DLGAP1: variants seen among roughly 807,000 people sequenced by gnomAD.
The protein encoded by DLGAP1 is disks large-associated protein 1.
Under a neutral mutation model 90.8 loss-of-function variants are expected in DLGAP1, and 11 were observed. The ratio of observed to expected loss-of-function variants is 0.12; its 90% CI spans 0.08 to 0.20. The LOEUF is 0.20. Among genes scored for constraint, DLGAP1 ranks in the 10% least tolerant of loss-of-function variants. The pLI is 1.00. For synonymous variants in DLGAP1, 558 were observed against 540.7 expected (o/e 1.03, Z -0.44); for missense variants, 1,050 against 1,333.8 (o/e 0.79, Z 3.31).
At chr18:3,703,833 G>C (rs1229407082) in intron 7 of DLGAP1, among the ~76,000 whole-genome samples, 2 of 152,120 alleles carry the variant, frequency 1.3e-5, no homozygotes, top group Non-Finnish European at 2.9e-5. Context: ...AGCCGCCAGA[G>C]GGAGACTTTC....
chr18:3,733,256 G>A (rs1316952126), intron 6 of DLGAP1, among the ~76,000 whole-genome samples: 2 of 152,250 alleles, frequency 1.3e-5, no homozygotes, highest in Non-Finnish European at 2.9e-5. Flanking sequence ...CGCTCATTTA[G>A]TCTTAGTTCT....
intron 10 of DLGAP1, among the ~76,000 whole-genome samples, chr18:3,522,134 G>GC (rs1555665668): frequency 3.6e-5 from 3 of 84,332 alleles, no homozygotes; most frequent in South Asian, 7.2e-4. Flanking sequence ...TTTCTTTCTT[G>GC]CTTTTTTTTT....
At chr18:4,031,325 A>G (rs2074792826) in intron 2 of DLGAP1, among the ~76,000 whole-genome samples, 2 of 152,210 alleles carry the variant, frequency 1.3e-5, no homozygotes, top group South Asian at 4.1e-4. Flanking sequence ...CTATTAGATG[A>G]TACAATAAAA....
At chr18:4,275,840 GAAGA>G (rs2079399953) in intron 1 of DLGAP1, among the ~76,000 whole-genome samples, 1 of 152,050 alleles carries the variant, frequency 6.6e-6, no homozygotes, top group Admixed American at 6.6e-5. Context: ...TATTTATTCT[GAAGA>G]AATAAAGTCT....
chr18:4,239,378 AAG>A (rs1227944614), intron 1 of DLGAP1, among the ~76,000 whole-genome samples: 1 of 152,014 alleles, frequency 6.6e-6, no homozygotes, highest in African/African-American at 2.4e-5. Context: ...AAAGGAACTG[AAG>A]AAAGAAGAAA....
intron 1 of DLGAP1, among the ~76,000 whole-genome samples, chr18:4,158,993 T>A (rs7230407): frequency 0.053 from 8,003 of 152,194 alleles, 684 homozygotes; most frequent in African/African-American, 0.18. Flanking sequence ...TGACCTTAAT[T>A]AGTAAGAAAC....
intron 11 of DLGAP1, among the ~76,000 whole-genome samples, chr18:3,504,265 G>C (rs1234807316): frequency 6.6e-6 from 1 of 152,000 alleles, no homozygotes; most frequent in African/African-American, 2.4e-5. Context: ...CATTAATTCA[G>C]ACATCGTTAG....
intron 3 of DLGAP1, among the ~76,000 whole-genome samples, chr18:3,996,571 G>T (rs370076009): frequency 1.3e-5 from 2 of 151,872 alleles, no homozygotes; most frequent in South Asian, 2.1e-4. Context: ...AAAGCCAAAA[G>T]AATGTAATAT....
At chr18:4,026,998 C>T (rs2074710764) in intron 2 of DLGAP1, among the ~76,000 whole-genome samples, 1 of 152,052 alleles carries the variant, frequency 6.6e-6, no homozygotes, top group East Asian at 1.9e-4. Context: ...GGAGAAGAGA[C>T]AGGCTCCTTA....
At chr18:4,243,901 A>C (rs1025913609) in intron 1 of DLGAP1, among the ~76,000 whole-genome samples, 1 of 152,196 alleles carries the variant, frequency 6.6e-6, no homozygotes, top group African/African-American at 2.4e-5. Flanking sequence ...ATTTTGGAAC[A>C]TTTTATCCCT....
rs2078948417 is a variant in DLGAP1, at chr18:4,258,817, C to G, written c.-266-107530G>C. Among the ~76,000 whole-genome samples, 10 of 151,810 alleles carry G rather than the reference C, an allele frequency of 6.6e-5. No individual in the cohort carries two copies. The South Asian group carries it at 2.1e-3, about 32-fold the overall frequency. On this transcript the variant is annotated intron_variant, in intron 1 of 12. Transcript: ENST00000315677. ...AAGTACTAAGTTTCTGAAACTTTGCCTTTTCCTACTCTTTGGTCATGAACA... is the reference window on the plus strand; with the variant it reads ...AAGTACTAAGTTTCTGAAACTTTGCGTTTTCCTACTCTTTGGTCATGAACA...
intron 1 of DLGAP1, among the ~76,000 whole-genome samples, chr18:4,158,475 A>G (rs2076792814): frequency 1.3e-5 from 2 of 152,170 alleles, no homozygotes; most frequent in African/African-American, 4.8e-5. Context: ...ATTCACCCTG[A>G]TGTTATGAAC....
intron 5 of DLGAP1, among the ~76,000 whole-genome samples, chr18:3,809,312 A>C (rs898613297): frequency 1.3e-5 from 2 of 152,208 alleles, no homozygotes; most frequent in Non-Finnish European, 2.9e-5. Flanking sequence ...GGAGGTTCAG[A>C]GACATTAATC....
chr18:3,642,024 T>C (rs977427590), intron 7 of DLGAP1, among the ~76,000 whole-genome samples: 1 of 152,236 alleles, frequency 6.6e-6, no homozygotes, highest in African/African-American at 2.4e-5. Context: ...GGTCCCCTTC[T>C]TAAACAGTGT....
At chr18:4,121,740 C>T (rs1157161266) in intron 2 of DLGAP1, among the ~76,000 whole-genome samples, 1 of 152,132 alleles carries the variant, frequency 6.6e-6, no homozygotes, top group African/African-American at 2.4e-5. Flanking sequence ...TTGCAGTGGT[C>T]CCTGTACCCA....
intron 7 of DLGAP1, among the ~76,000 whole-genome samples, chr18:3,692,345 C>G (rs2060926774): frequency 6.6e-6 from 1 of 152,160 alleles, no homozygotes; most frequent in Non-Finnish European, 1.5e-5. Flanking sequence ...TGTGTATGTG[C>G]AGCCAAGGCA....
intron 7 of DLGAP1, among the ~76,000 whole-genome samples, chr18:3,710,876 A>G (rs2147223234): frequency 6.6e-6 from 1 of 152,290 alleles, no homozygotes; most frequent in Middle Eastern, 3.4e-3. Context: ...AGGCAGGAAC[A>G]AGCTCGCTGG....
At chr18:4,277,593 TAA>T (rs1360577801) in intron 1 of DLGAP1, among the ~76,000 whole-genome samples, 1 of 152,230 alleles carries the variant, frequency 6.6e-6, no homozygotes, top group African/African-American at 2.4e-5. Flanking sequence ...AAGGAAACTT[TAA>T]AGTTCCCTTT....
intron 1 of DLGAP1, among the ~76,000 whole-genome samples, chr18:4,344,105 C>A (rs71358044): frequency 0.03 from 4,588 of 152,190 alleles, 114 homozygotes; most frequent in South Asian, 0.045. Context: ...AATTTAAAGA[C>A]AGACAACATC....
Sources: gnomAD v4.1 joint callset for allele counts (sites outside exome capture counted in the v4.1 genomes callset) on GRCh38, gnomAD v4.1.1 for gene constraint, MANE v1.5 for transcripts, NCBI Gene and HGNC (gene_info 2026-07-23, HGNC 2026-07-21) for gene names.